Variants in ABCA13 observed in about 807,000 individuals in gnomAD.
ABCA13 encodes the protein ATP-binding cassette sub-family A member 13.
ABCA13 carries 476 observed loss-of-function variants against 478.7 expected under a neutral mutation model. The ratio of observed to expected loss-of-function variants is 0.99; its 90% CI spans 0.92 to 1.07. The LOEUF (loss-of-function observed/expected upper bound fraction) is 1.07. Ranked by LOEUF, ABCA13 falls within the 50% of genes least tolerant of loss-of-function variation. The probability of loss-of-function intolerance (pLI) is 0.00; values close to 1 mark genes in which losing one functional copy is unlikely to be tolerated. For synonymous variants in ABCA13, 2,252 were observed against 2,158.9 expected (o/e 1.04, Z -1.20); for missense variants, 6,060 against 5,910.6 (o/e 1.03, Z -0.83).
At chr7:48,354,628 C>T (rs1809600773) in intron 31 of ABCA13, among the ~76,000 whole-genome samples, 1 of 152,056 alleles carries the variant, frequency 6.6e-6, no homozygotes, top group Non-Finnish European at 1.5e-5. Context: ...CTCTCTTATT[C>T]TACTACTGGG....
At chr7:48,242,966 C>A (rs1791080125) in intron 10 of ABCA13, 1 of 152,236 alleles carries the variant, frequency 6.6e-6, no homozygotes, top group African/African-American at 2.4e-5. Flanking sequence ...CGTGTCATTA[C>A]AGACTGCCTT....
At chr7:48,194,018 A>G (rs1273198287) in intron 2 of ABCA13, among the ~76,000 whole-genome samples, 1 of 78 alleles carries the variant, frequency 0.013, no homozygotes, top group South Asian at 0.5. Context: ...TGAAATGATG[A>G]TGGAGATAAC....
At chr7:48,332,685 T>G (rs771388633) in intron 27 of ABCA13, among the ~76,000 whole-genome samples, 2 of 152,204 alleles carry the variant, frequency 1.3e-5, no homozygotes, top group Non-Finnish European at 2.9e-5. Flanking sequence ...TTATTTTATC[T>G]TCATTCCTAA....
At chr7:48,397,871 C>T (rs1291997300) in intron 38 of ABCA13, among the ~76,000 whole-genome samples, 1 of 152,168 alleles carries the variant, frequency 6.6e-6, no homozygotes, top group Non-Finnish European at 1.5e-5. Context: ...ATGGATGATA[C>T]TATACATTTT....
chr7:48,252,322 G>T lies in ABCA13; in HGVS notation c.2005+2971G>T, dbSNP rs190475143. Among the ~76,000 whole-genome samples, 3 of 152,022 alleles carry T rather than the reference G, an allele frequency of 2.0e-5. No homozygotes were observed. In the South Asian group the frequency reaches 6.2e-4, roughly 32 times the overall value. On this transcript the variant is annotated intron_variant, in intron 15 of 61. Coordinates refer to ENST00000435803, the MANE Select transcript of ABCA13 (RefSeq NM_152701.5). ...ATTTTTTAGCTCCAGAATTTCTGTC[G>T]GGTTCTTTGTAAATACAGCCATGCA...
At chr7:48,230,758 T>C (rs1286588595) in intron 7 of ABCA13, among the ~76,000 whole-genome samples, 2 of 152,066 alleles carry the variant, frequency 1.3e-5, no homozygotes, top group Non-Finnish European at 2.9e-5. Context: ...CGTCCATCCA[T>C]CCATCCATCC....
In ABCA13 at chr7:48,319,294, T is replaced by G. The variant is rs1026189172; in HGVS notation, c.9999+1998T>G. Among the ~76,000 whole-genome samples, 4 of 152,252 alleles carry G rather than the reference T, an allele frequency of 2.6e-5. No homozygotes were observed. In the South Asian group the frequency reaches 8.3e-4, roughly 32 times the overall value. On this transcript the variant is annotated intron_variant, in intron 27 of 61. Coordinates refer to ENST00000435803, the MANE Select transcript of ABCA13 (RefSeq NM_152701.5). Reference sequence around the variant, plus strand: ...TTGCAGGCAGTATTGAGAGCTGATGTCTTTTTTACTTATTTAAAATGGCTA... The same window carrying G: ...TTGCAGGCAGTATTGAGAGCTGATGGCTTTTTTACTTATTTAAAATGGCTA...
At chr7:48,326,900 A>G (rs1804413903) in intron 27 of ABCA13, among the ~76,000 whole-genome samples, 1 of 152,166 alleles carries the variant, frequency 6.6e-6, no homozygotes, top group Admixed American at 6.5e-5. Flanking sequence ...TGATGGGCAG[A>G]GATCAGCTCT....
intron 29 of ABCA13, among the ~76,000 whole-genome samples, chr7:48,342,226 G>A (rs1807350123): frequency 6.6e-6 from 1 of 151,910 alleles, no homozygotes; most frequent in Non-Finnish European, 1.5e-5. Context: ...TAACATTTAT[G>A]GAGACTCACT....
At chr7:48,603,048 A>T (rs993936764) in intron 58 of ABCA13, among the ~76,000 whole-genome samples, 3 of 152,140 alleles carry the variant, frequency 2.0e-5, no homozygotes, top group Non-Finnish European at 4.4e-5. Context: ...ATTGGTATAT[A>T]GGAATGTTTG....
chr7:48,360,214 G>T (rs1043672033), intron 31 of ABCA13, among the ~76,000 whole-genome samples: 10 of 95,540 alleles, frequency 1.0e-4, no homozygotes, highest in East Asian at 3.5e-4. Context: ...GACAGGCCCC[G>T]GTGTGTGATG....
intron 55 of ABCA13, among the ~76,000 whole-genome samples, chr7:48,556,908 T>C (rs1785892931): frequency 6.6e-6 from 1 of 152,070 alleles, no homozygotes; most frequent in Admixed American, 6.5e-5. Flanking sequence ...GATGATTTTC[T>C]CTGGTTGTAT....
chr7:48,550,491 C>T (rs1447080651), intron 55 of ABCA13, among the ~76,000 whole-genome samples: 2 of 147,246 alleles, frequency 1.4e-5, no homozygotes, highest in Non-Finnish European at 3.0e-5. Context: ...CTCCTGGCCT[C>T]AAGTGATCCG....
chr7:48,500,992 C>T (rs773527743), intron 48 of ABCA13, among the ~76,000 whole-genome samples: 2 of 152,176 alleles, frequency 1.3e-5, no homozygotes, highest in African/African-American at 4.8e-5. Context: ...ATGAATTCTC[C>T]GTTCTGTGAA....
chr7:48,197,523 GA>G (rs1476546542), intron 2 of ABCA13, among the ~76,000 whole-genome samples: 1 of 152,132 alleles, frequency 6.6e-6, no homozygotes, highest in Non-Finnish European at 1.5e-5. Flanking sequence ...AGAGCAAAGG[GA>G]GTGAGAAAAG....
chr7:48,544,831 C>A (rs1784672075), intron 55 of ABCA13, among the ~76,000 whole-genome samples: 2 of 151,816 alleles, frequency 1.3e-5, no homozygotes, highest in Non-Finnish European at 2.9e-5. Flanking sequence ...TTGTGACTGG[C>A]ATCTGAAAGG....
At chr7:48,471,509 A>G (rs1473122202) in intron 44 of ABCA13, 21 bp from the exon 45 acceptor site, 3 of 1,543,010 alleles carry the variant, frequency 1.9e-6, no homozygotes, top group South Asian at 1.2e-5. Flanking sequence ...GATCATTCCA[A>G]TTCTCTCCTT....
At chr7:48,315,467 A>T (rs556128485) in intron 26 of ABCA13, among the ~76,000 whole-genome samples, 1 of 151,986 alleles carries the variant, frequency 6.6e-6, no homozygotes, top group African/African-American at 2.4e-5. Context: ...TTAAAAATGT[A>T]TTATGTAGTC....
At position 48,372,149 on chromosome 7, in the gene ABCA13, T is replaced by C. The variant is rs760235505; in HGVS notation, c.10804-19T>C. The C allele has an allele frequency of 2.5e-6, 4 of 1,596,510 alleles. No individual in the cohort carries two copies. Among genetic ancestry groups the C allele is most frequent in the Non-Finnish European group, 3.4e-6 (4 of 1,169,486 alleles). ...GTACGCATGCTGTGGTAACCTTGGGTTTTTTCTCTTTTTGGTAGTATATGC... is the reference window on the plus strand; with the variant it reads ...GTACGCATGCTGTGGTAACCTTGGGCTTTTTCTCTTTTTGGTAGTATATGC... On this transcript the variant is annotated intron_variant, in intron 32 of 61. Coordinates refer to ENST00000435803, the MANE Select transcript of ABCA13 (RefSeq NM_152701.5).
Sources: allele counts gnomAD v4.1 joint callset (sites outside exome capture counted in the v4.1 genomes callset), GRCh38; gene constraint gnomAD v4.1.1; transcripts MANE v1.5; gene names NCBI Gene and HGNC (gene_info 2026-07-23, HGNC 2026-07-21).